Variants in MACF1 observed in about 807,000 individuals in gnomAD.
MACF1 encodes the protein microtubule actin crosslinking factor 1, also known as microtubule-actin cross-linking factor 1.
A neutral mutation model predicts 854.8 loss-of-function variants in MACF1; 193 were observed. The ratio of observed to expected loss-of-function variants is 0.23; its 90% confidence interval spans 0.20 to 0.25. The LOEUF is 0.25. Ranked by LOEUF, MACF1 falls within the 10% of genes least tolerant of loss-of-function variation. MACF1 has a pLI of 1.00. For missense variants in MACF1, 7,722 were observed against 8,929.1 expected (o/e 0.86, Z 5.45); for synonymous variants, 3,185 against 3,226.7 (o/e 0.99, Z 0.44).
At position 39,356,821 on chromosome 1, in the gene MACF1, G is replaced by A. The variant is rs114364255; in HGVS notation, c.11425-554G>A. Among the ~76,000 whole-genome samples, 149 of 152,310 alleles carry A rather than the reference G, an allele frequency of 9.8e-4. 2 individuals are homozygous for A. The highest frequency in any genetic ancestry group is 1.3e-3 in the Non-Finnish European group (86 of 68,042). ...TTCGTTAACAAACTGCATGACCTTA[G>A]TCAAGATATATAACGTCTTTTTGGT... is the stretch of plus-strand genomic sequence containing the variant. On this transcript the variant is annotated intron_variant, in intron 44 of 100. Transcript: ENST00000564288.
intron 2 of MACF1, among the ~76,000 whole-genome samples, chr1:39,178,915 G>A (rs373940111): frequency 3.0e-4 from 45 of 152,294 alleles, no homozygotes; most frequent in East Asian, 1.2e-3. Context: ...AGCCTTAGCC[G>A]CCTCTTGATG....
At position 39,331,746 on chromosome 1, in the gene MACF1, C is replaced by T; in HGVS notation, c.5158C>T (p.His1720Tyr). 6.2e-7 allele frequency: 1 copy of T among 1,614,056 alleles called. No individual in the cohort carries two copies. Among genetic ancestry groups the T allele is most frequent in the South Asian group, 1.1e-5 (1 of 91,076 alleles). Residue 1720 changes from histidine to tyrosine, a missense_variant, in exon 37 of 101, where the codon CAC becomes TAC. Transcript: ENST00000564288. ...GGATCTGATGCAGCGATGTATTGTC[C>T]ACCAGGAATCAGGATTCAAATTACT... ...LLDLMQRCIV[H>Y]QESGFKLLPV...
Position 39,292,010 on chromosome 1 carries a change from C to T in MACF1, c.1886C>T (p.Ser629Leu), listed in dbSNP as rs747801638. The T allele has an allele frequency of 1.1e-5, 18 of 1,613,858 alleles. No individual in the cohort carries two copies. Among genetic ancestry groups the T allele is most frequent in the Non-Finnish European group, 1.7e-6 (2 of 1,179,982 alleles). The change falls in exon 16 of 101, where the codon TCA becomes TTA. Residue 629 changes from serine to leucine, a missense_variant. By Grantham distance (145) the Ser-to-Leu change is moderately radical. This residue lies in a region of MACF1 where 1,137 missense variants were observed against 1,263.0 expected (regional missense o/e 0.90). Coordinates refer to ENST00000564288, the MANE Select transcript of MACF1 (RefSeq NM_001394062.1). ...CATACGAGTGTAGAAGAGCTGGGCT[C>T]AAGTGTCAAGGAGGCCAGGTTGTAT... is the stretch of plus-strand genomic sequence containing the variant. ...HIHTSVEELG[S>L]SVKEARLYEG...
intron 15 of MACF1, among the ~76,000 whole-genome samples, chr1:39,289,991 C>CGTA: frequency 6.6e-6 from 1 of 152,100 alleles, no homozygotes; most frequent in African/African-American, 2.4e-5. Flanking sequence ...TGAGCCACCA[C>CGTA]ACCTGGCCTG....
intron 49 of MACF1, among the ~76,000 whole-genome samples, chr1:39,366,185 G>A (rs1395970346): frequency 2.6e-5 from 4 of 152,190 alleles, no homozygotes; most frequent in Non-Finnish European, 5.9e-5. Context: ...TTCTAGAGAA[G>A]TTAGCATTTT....
intron 2 of MACF1, among the ~76,000 whole-genome samples, chr1:39,115,816 A>T (rs995940737): frequency 6.6e-6 from 1 of 152,206 alleles, no homozygotes; most frequent in Non-Finnish European, 1.5e-5. Context: ...ACAGAAAGGG[A>T]GTGGCCAGAA....
chr1:39,318,330 G>A (rs1186548331), intron 29 of MACF1, 123 bp from the exon 30 acceptor site: 9 of 824,812 alleles, frequency 1.1e-5, no homozygotes, highest in Non-Finnish European at 1.7e-5. Flanking sequence ...GTTCCCCGTA[G>A]ATAAAGATGG....
At position 39,287,498 on chromosome 1, in the gene MACF1, C is replaced by T; in HGVS notation, c.1721C>T (p.Ser574Phe). The T allele has an allele frequency of 6.2e-7, 1 of 1,614,170 alleles. No individual in the cohort carries two copies. Residue 574 changes from serine (S) to phenylalanine (F), a missense_variant, in exon 15 of 101, where the codon TCC (serine) becomes TTC (phenylalanine). Physicochemically the swap from Ser to Phe is radical, Grantham distance 155 (BLOSUM62 -2). Transcript: ENST00000564288. The stretch of plus-strand genomic sequence containing the variant: ...CGGGCTGAACTTGTGGCCATCAGCT[C>T]CTCTGAAGATGAAGGCAATCTCCGA... ...MTRAELVAIS[S>F]SEDEGNLRFV...
Position 39,327,274 on chromosome 1 carries a change from C to T in MACF1, c.4535C>T (p.Ala1512Val). The T allele has an allele frequency of 6.2e-7, 1 of 1,607,016 alleles. No individual in the cohort carries two copies. The highest frequency in any genetic ancestry group is 8.5e-7 in the Non-Finnish European group (1 of 1,174,230). Residue 1512 changes from alanine to valine, a missense_variant, in exon 36 of 101, where the codon GCT becomes GTT. Transcript: ENST00000564288. ...GAGCAATTGAATGCCCTAAACAAGGCTTACCATGACCTTTGTGATGGTTCT... is the reference window on the plus strand; with the variant it reads ...GAGCAATTGAATGCCCTAAACAAGGTTTACCATGACCTTTGTGATGGTTCT... ...ISEQLNALNK[A>V]YHDLCDGSAN...
chr1:39,226,776 T>G (rs916597192), intron 1 of MACF1, among the ~76,000 whole-genome samples: 1 of 152,202 alleles, frequency 6.6e-6, no homozygotes, highest in Non-Finnish European at 1.5e-5. Flanking sequence ...TCTGTTAACT[T>G]TTTCCTTTTT....
chr1:39,292,088 A>G, intron 16 of MACF1, 50 bp downstream of exon 16: 4 of 1,604,654 alleles, frequency 2.5e-6, no homozygotes, highest in Non-Finnish European at 3.4e-6. Flanking sequence ...GTTGGAACGG[A>G]TGAAAGGACA....
intron 6 of MACF1, among the ~76,000 whole-genome samples, chr1:39,266,492 C>T (rs1217432516): frequency 6.6e-6 from 1 of 151,788 alleles, no homozygotes; most frequent in Non-Finnish European, 1.5e-5. Flanking sequence ...AGAACACCTA[C>T]TGCAGTTGTG....
In MACF1 at chr1:39,332,268, A is replaced by G. The variant is rs780213426; in HGVS notation, c.5680A>G (p.Thr1894Ala). ...TATTAAGGCTCTGTTTCTACCAGCA[A>G]CCACAGAGATTTTGTCCTGGAAGAA... The part of the protein sequence containing the change: ...QHIKALFLPA[T>A]TEILSWKKAI... Residue 1894 changes from threonine to alanine, a missense_variant, in exon 37 of 101, where the codon ACC (threonine) becomes GCC (alanine). Physicochemically the swap from Thr to Ala is moderately conservative, Grantham distance 58. This residue lies in a region of MACF1 where 1,531 missense variants were observed against 1,601.6 expected (regional missense o/e 0.96). Coordinates refer to ENST00000564288, the MANE Select transcript of MACF1 (RefSeq NM_001394062.1). 28 of 1,613,940 alleles carry G rather than the reference A, an allele frequency of 1.7e-5. No individual in the cohort carries two copies. The highest frequency in any genetic ancestry group is 3.3e-5 in the South Asian group (3 of 91,072).
chr1:39,351,581 C>CTTTTT (rs36123797), intron 43 of MACF1, among the ~76,000 whole-genome samples: 6 of 85,902 alleles, frequency 7.0e-5, no homozygotes, highest in East Asian at 4.1e-4. Context: ...AAGCAAATGG[C>CTTTTT]TTTTTTTTTT....
chr1:39,403,956 C>T (rs1242325330), intron 58 of MACF1, among the ~76,000 whole-genome samples: 2 of 151,836 alleles, frequency 1.3e-5, no homozygotes. Context: ...TGGCGAAACC[C>T]CATCTCTACT....
intron 2 of MACF1, among the ~76,000 whole-genome samples, chr1:39,143,169 A>G (rs967864532): frequency 6.6e-6 from 1 of 152,128 alleles, no homozygotes; most frequent in African/African-American, 2.4e-5. Context: ...TAACCCTTGA[A>G]TTTTTATTCT....
intron 2 of MACF1, among the ~76,000 whole-genome samples, chr1:39,130,031 C>T (rs1351088771): frequency 1.3e-5 from 2 of 152,194 alleles, no homozygotes; most frequent in Admixed American, 6.5e-5. Context: ...ATACAATATT[C>T]TTTTTGTTAA....
intron 6 of MACF1, among the ~76,000 whole-genome samples, chr1:39,267,570 T>G (rs1026558995): frequency 6.6e-6 from 1 of 152,240 alleles, no homozygotes; most frequent in African/African-American, 2.4e-5. Context: ...TATAAAATAA[T>G]AGTTTTGACC....
rs571609031 is a variant in MACF1 at position 39,291,637 on chromosome 1, C to T, written c.1786-273C>T. Among the ~76,000 whole-genome samples the T allele has an allele frequency of 3.9e-5, 6 of 152,286 alleles. 1 individual carries two copies. The South Asian group carries it at 1.2e-3, about 32-fold the overall frequency. ...AAGCATTTTAAGCCTGTGAAGTTCC[C>T]TTTCCCTTTTGGTTGATTACTCCAG... On this transcript the variant is annotated intron_variant, in intron 15 of 100. Transcript: ENST00000564288.
Sources: allele counts gnomAD v4.1 joint callset (sites outside exome capture counted in the v4.1 genomes callset), GRCh38; gene constraint gnomAD v4.1.1; regional missense constraint gnomAD v4.1.1; transcripts MANE v1.5; gene names NCBI Gene and HGNC (gene_info 2026-07-23, HGNC 2026-07-21).